Variants in GRM8 observed in about 807,000 individuals in gnomAD.
The protein encoded by GRM8 is metabotropic glutamate receptor 8.
A neutral mutation model predicts 87.2 loss-of-function variants in GRM8; 47 were observed. The ratio of observed to expected loss-of-function variants is 0.54; its 90% CI spans 0.43 to 0.69. The LOEUF is 0.69. Among genes scored for constraint, GRM8 ranks in the 30% least tolerant of loss-of-function variants. GRM8 has a pLI of 0.00. For missense variants in GRM8, 1,019 were observed against 1,139.2 expected (o/e 0.89, Z 1.52); for synonymous variants, 396 against 404.5 (o/e 0.98, Z 0.25).
chr7:126,850,265 G>C (rs1036183762), intron 6 of GRM8, among the ~76,000 whole-genome samples: 8 of 152,104 alleles, frequency 5.3e-5, no homozygotes, highest in African/African-American at 1.9e-4. Context: ...TACATTCCTG[G>C]TTTACCTTCT....
intron 3 of GRM8, among the ~76,000 whole-genome samples, chr7:126,916,910 T>C (rs553219196): frequency 0.014 from 2,111 of 152,308 alleles, 46 homozygotes; most frequent in African/African-American, 0.048. Context: ...CCCTAGGTAA[T>C]GCAAGATCAT....
At chr7:127,219,110 T>C (rs1332996021) in intron 2 of GRM8, among the ~76,000 whole-genome samples, 1 of 152,086 alleles carries the variant, frequency 6.6e-6, no homozygotes, top group Non-Finnish European at 1.5e-5. Context: ...TGGTGAGAAC[T>C]GCTCTTTATG....
chr7:127,205,506 C>T (rs893606895), intron 2 of GRM8, among the ~76,000 whole-genome samples: 1 of 152,146 alleles, frequency 6.6e-6, no homozygotes, highest in Non-Finnish European at 1.5e-5. Flanking sequence ...CTAGTTGTCT[C>T]CTTGTGGGGC....
chr7:126,503,705 A>G (rs1205736697), intron 9 of GRM8, among the ~76,000 whole-genome samples: 1 of 152,082 alleles, frequency 6.6e-6, no homozygotes, highest in Non-Finnish European at 1.5e-5. Context: ...TCCATGACAG[A>G]GATAGTTGCC....
At chr7:127,114,043 A>G (rs1348119033) in intron 2 of GRM8, among the ~76,000 whole-genome samples, 1 of 152,192 alleles carries the variant, frequency 6.6e-6, no homozygotes, top group Non-Finnish European at 1.5e-5. Context: ...ACAAAAAAGA[A>G]GATGGATGAC....
At chr7:126,482,367 A>G (rs1283488970) in intron 9 of GRM8, among the ~76,000 whole-genome samples, 5 of 152,052 alleles carry the variant, frequency 3.3e-5, no homozygotes, top group African/African-American at 1.2e-4. Context: ...TGACAGTAGC[A>G]TTATTCATAA....
At chr7:126,955,059 T>C (rs1160388401) in intron 3 of GRM8, among the ~76,000 whole-genome samples, 1 of 152,178 alleles carries the variant, frequency 6.6e-6, no homozygotes, top group Non-Finnish European at 1.5e-5. Context: ...CATTTTTCAT[T>C]TCAATTCAGA....
chr7:126,862,790 G>T (rs1049643487), intron 6 of GRM8, among the ~76,000 whole-genome samples: 1 of 151,998 alleles, frequency 6.6e-6, no homozygotes, highest in East Asian at 1.9e-4. Flanking sequence ...ATCTTCACTA[G>T]ATCTGAAATG....
intron 6 of GRM8, among the ~76,000 whole-genome samples, chr7:126,772,119 C>T (rs1003045821): frequency 6.6e-6 from 1 of 152,036 alleles, no homozygotes; most frequent in Non-Finnish European, 1.5e-5. Flanking sequence ...TTACAGCAAC[C>T]AAATAGACGC....
At chr7:127,231,649 G>A (rs1303209834) in intron 2 of GRM8, among the ~76,000 whole-genome samples, 3 of 151,420 alleles carry the variant, frequency 2.0e-5, no homozygotes, top group African/African-American at 7.3e-5. Context: ...ATCTCTGGCA[G>A]AAAAAAAAAT....
intron 6 of GRM8, among the ~76,000 whole-genome samples, chr7:126,833,927 G>A (rs945506504): frequency 3.3e-5 from 5 of 152,154 alleles, no homozygotes. Flanking sequence ...AAGCAGTCCA[G>A]GAAATTCTGA....
intron 3 of GRM8, among the ~76,000 whole-genome samples, chr7:127,095,465 A>C (rs1456185028): frequency 6.6e-6 from 1 of 152,228 alleles, no homozygotes; most frequent in Admixed American, 6.5e-5. Context: ...AGAATACATG[A>C]CAGTAATCAT....
intron 7 of GRM8, among the ~76,000 whole-genome samples, chr7:126,610,946 A>C (rs1358917675): frequency 6.6e-6 from 1 of 152,190 alleles, no homozygotes; most frequent in East Asian, 1.9e-4. Context: ...TTCCATGTCC[A>C]GGCTCACTCC....
intron 2 of GRM8, among the ~76,000 whole-genome samples, chr7:127,238,293 GATGTGTGTGTGC>G (rs1159628285): frequency 6.8e-6 from 1 of 146,162 alleles, no homozygotes; most frequent in Non-Finnish European, 1.5e-5. Context: ...GCTGATATAC[GATGTGTGTGTGC>G]ATGTGTGTGT....
At chr7:126,526,270 G>A (rs1343491121) in intron 9 of GRM8, among the ~76,000 whole-genome samples, 2 of 152,142 alleles carry the variant, frequency 1.3e-5, no homozygotes, top group African/African-American at 4.8e-5. Context: ...GATTAGGTTT[G>A]TGTATATGAT....
chr7:126,703,858 G>C (rs2151404807), intron 7 of GRM8, among the ~76,000 whole-genome samples: 1 of 152,222 alleles, frequency 6.6e-6, no homozygotes. Flanking sequence ...CACCACACCT[G>C]GCCACCAAAG....
chr7:126,452,843 T>C lies in GRM8; in HGVS notation c.2431-6471A>G, dbSNP rs146038701. 5.3e-5 allele frequency among the ~76,000 whole-genome samples: 8 copies of C among 151,780 alleles called. 1 individual carries two copies. The highest frequency in any genetic ancestry group is 1.9e-4 in the African/African-American group (8 of 41,470). The stretch of plus-strand genomic sequence containing the variant: ...TATAACTGAGGGTCAGGCACTCACA[T>C]TACTTCTAAGTTTTCATAGACTTAA... On this transcript the variant is annotated intron_variant, in intron 9 of 10. Coordinates refer to ENST00000339582, the MANE Select transcript of GRM8 (RefSeq NM_000845.3).
rs1444158161 is a variant in GRM8 at position 127,200,329 on chromosome 7, A to T, written c.510+42366T>A. ...ATATTTTGGGAACTCTTACATGTAG[A>T]TAATGTCAGAATTAATTTCCACTTG... On this transcript the variant is annotated intron_variant, in intron 2 of 10. Transcript: ENST00000339582. Among the ~76,000 whole-genome samples, 6 of 152,192 alleles carry T rather than the reference A, an allele frequency of 3.9e-5. No homozygotes were observed. The East Asian group carries it at 1.2e-3, about 29-fold the overall frequency.
intron 3 of GRM8, among the ~76,000 whole-genome samples, chr7:127,057,578 C>A (rs1820124961): frequency 6.6e-6 from 1 of 152,078 alleles, no homozygotes; most frequent in Non-Finnish European, 1.5e-5. Context: ...ATTTGAAAAT[C>A]ATTTCTCCTT....
Sources: allele counts gnomAD v4.1 joint callset (sites outside exome capture counted in the v4.1 genomes callset), GRCh38; gene constraint gnomAD v4.1.1; transcripts MANE v1.5; gene names NCBI Gene and HGNC (gene_info 2026-07-23, HGNC 2026-07-21).